ABCA4: variants seen among roughly 807,000 people sequenced by gnomAD.
The protein encoded by ABCA4 is ATP binding cassette subfamily A member 4.
In ABCA4, 196 loss-of-function variants were observed where a neutral mutation model predicts 263.7. The ratio of observed to expected loss-of-function variants is 0.74; its 90% CI spans 0.66 to 0.84. The LOEUF (loss-of-function observed/expected upper bound fraction) is 0.84, where lower values mean the gene tolerates loss of function less well. Among genes scored for constraint, ABCA4 ranks in the 40% least tolerant of loss-of-function variants. ABCA4 has a pLI of 0.00. For missense variants in ABCA4, 2,792 were observed against 2,855.1 expected (o/e 0.98, Z 0.50); for synonymous variants, 1,133 against 1,094.2 (o/e 1.04, Z -0.70).
In ABCA4 at chr1:94,042,834, C is replaced by T; in HGVS notation, c.3255G>A (p.Leu1085=). The T allele has an allele frequency of 6.2e-7, 1 of 1,614,190 alleles. No individual in the cohort carries two copies. ...GGTCCACCCCAGAGGTGGGTTCGTC[C>T]AGAATCACCACCTTGGCATCTCCCA... ...AFVGDAKVVI[L]DEPTSGVDPY... The change falls in exon 22 of 50, where the codon CTG becomes CTA. Residue 1085 remains leucine, a synonymous_variant. Transcript: ENST00000370225.
chr1:94,046,281 A>G (rs1368956671), intron 19 of ABCA4, among the ~76,000 whole-genome samples: 1 of 29,522 alleles, frequency 3.4e-5, no homozygotes, highest in Non-Finnish European at 7.9e-5. Flanking sequence ...TGTCTGTACT[A>G]AAAAAAAAAA....
At chr1:94,045,624 C>A (rs1196054247) in intron 19 of ABCA4, 2 of 404,920 alleles carry the variant, frequency 4.9e-6, no homozygotes, top group Non-Finnish European at 1.0e-5. Flanking sequence ...ACACCCAGCT[C>A]TGTCCCTGAG....
chr1:94,098,375 A>G (rs1662189273), intron 6 of ABCA4, among the ~76,000 whole-genome samples: 1 of 152,162 alleles, frequency 6.6e-6, no homozygotes, highest in Admixed American at 6.5e-5. Context: ...TTCTTGTATA[A>G]TTCCTACCAC....
intron 17 of ABCA4, among the ~76,000 whole-genome samples, chr1:94,049,917 G>A (rs190156429): frequency 3.9e-4 from 60 of 152,312 alleles, no homozygotes; most frequent in African/African-American, 1.4e-3. Flanking sequence ...GGAAGGGGAA[G>A]AGGAGCAGAA....
At chr1:94,089,230 T>C (rs143792759) in intron 6 of ABCA4, among the ~76,000 whole-genome samples, 152 of 152,370 alleles carry the variant, frequency 1.0e-3, no homozygotes, top group African/African-American at 3.4e-3. Context: ...GAACAACTTA[T>C]TTAATGATTT....
chr1:94,095,296 G>A (rs1290656999), intron 6 of ABCA4, among the ~76,000 whole-genome samples: 2 of 151,356 alleles, frequency 1.3e-5, no homozygotes, highest in African/African-American at 4.9e-5. Flanking sequence ...GCCCCCCTCC[G>A]ATTCTCTGGG....
chr1:94,030,340 G>T (rs537789782), intron 29 of ABCA4, 88 bp downstream of exon 29: 2 of 1,141,448 alleles, frequency 1.8e-6, no homozygotes, highest in South Asian at 1.2e-5. Flanking sequence ...ATTGAGTGGG[G>T]CCTCCCCAAC....
At chr1:94,034,938 T>A (rs1660302035) in intron 26 of ABCA4, among the ~76,000 whole-genome samples, 1 of 152,158 alleles carries the variant, frequency 6.6e-6, no homozygotes, top group South Asian at 2.1e-4. Context: ...ATGCTACAGG[T>A]AGATGCTATT....
intron 35 of ABCA4, among the ~76,000 whole-genome samples, chr1:94,020,493 A>G (rs182795918): frequency 9.0e-4 from 137 of 152,338 alleles, no homozygotes; most frequent in African/African-American, 3.1e-3. Flanking sequence ...GTAAGCTTAG[A>G]ACAAATGACT....
At chr1:94,068,714 A>G (rs1661335128) in intron 11 of ABCA4, among the ~76,000 whole-genome samples, 1 of 152,198 alleles carries the variant, frequency 6.6e-6, no homozygotes, top group South Asian at 2.1e-4. Context: ...CATGAATGTT[A>G]GGGAAGAATG....
At position 94,046,925 on chromosome 1, in the gene ABCA4, G is replaced by T. The variant is rs61749450; in HGVS notation, c.2912C>A (p.Thr971Asn). Residue 971 changes from threonine (T) to asparagine (N), a missense_variant, in exon 19 of 50, where the codon ACC (threonine) becomes AAC (asparagine). Thr to Asn is a moderately conservative substitution (Grantham distance 65, BLOSUM62 0). Coordinates refer to ENST00000370225, the MANE Select transcript of ABCA4 (RefSeq NM_000350.3). Reference sequence around the variant, plus strand: ...TCTCTGCTGGAAGACTCACAAGGTGGTGGTTTTCCCAGCTCCATTGTGGCC... The same window carrying T: ...TCTCTGCTGGAAGACTCACAAGGTGTTGGTTTTCCCAGCTCCATTGTGGCC... ...FLGHNGAGKT[T>N]TLSILTGLLP... 3 of 1,614,122 alleles carry T rather than the reference G, an allele frequency of 1.9e-6. No homozygotes were observed. The highest frequency in any genetic ancestry group is 2.2e-5 in the South Asian group (2 of 91,082).
intron 16 of ABCA4, among the ~76,000 whole-genome samples, chr1:94,053,811 G>C (rs1239661624): frequency 1.3e-5 from 2 of 152,240 alleles, no homozygotes; most frequent in African/African-American, 4.8e-5. Flanking sequence ...GTAAATGAAT[G>C]CACGCTTGCC....
intron 6 of ABCA4, among the ~76,000 whole-genome samples, chr1:94,086,404 AT>A (rs1570412652): frequency 6.6e-6 from 1 of 152,238 alleles, no homozygotes; most frequent in Admixed American, 6.5e-5. Context: ...AAATTCCCCT[AT>A]ATTGAAGTCC....
At chr1:94,111,729 G>A in intron 2 of ABCA4, 150 bp from the exon 3 acceptor site, 3 of 977,820 alleles carry the variant, frequency 3.1e-6, no homozygotes, top group South Asian at 1.4e-5. Flanking sequence ...CATCTCATGT[G>A]TGCCAGTCCC....
intron 16 of ABCA4, among the ~76,000 whole-genome samples, chr1:94,052,194 T>G (rs1660857754): frequency 6.6e-6 from 1 of 152,148 alleles, no homozygotes; most frequent in Admixed American, 6.5e-5. Flanking sequence ...CCGTCACAGA[T>G]AGTGAAACAG....
chr1:94,018,125 T>G (rs1395201036), intron 36 of ABCA4, among the ~76,000 whole-genome samples: 1 of 152,214 alleles, frequency 6.6e-6, no homozygotes, highest in Non-Finnish European at 1.5e-5. Flanking sequence ...ACCTCCCACC[T>G]CAGATGTCCA....
At chr1:94,072,906 C>G (rs559117676) in intron 11 of ABCA4, among the ~76,000 whole-genome samples, 1 of 152,110 alleles carries the variant, frequency 6.6e-6, no homozygotes, top group African/African-American at 2.4e-5. Flanking sequence ...ATTGCAGACC[C>G]TATTGTGGAG....
intron 26 of ABCA4, among the ~76,000 whole-genome samples, chr1:94,033,171 GCAC>G (rs1404645105): frequency 6.6e-6 from 1 of 152,158 alleles, no homozygotes; most frequent in Non-Finnish European, 1.5e-5. Flanking sequence ...TGTAATCCCA[GCAC>G]TTTGGGAGGC....
chr1:94,037,732 G>A (rs763587129), intron 24 of ABCA4, among the ~76,000 whole-genome samples: 3 of 152,162 alleles, frequency 2.0e-5, no homozygotes, highest in Non-Finnish European at 2.9e-5. Context: ...GTGAAAAGGG[G>A]AAAATACTGG....
Sources: allele counts gnomAD v4.1 joint callset (sites outside exome capture counted in the v4.1 genomes callset), GRCh38; gene constraint gnomAD v4.1.1; transcripts MANE v1.5; gene names NCBI Gene and HGNC (gene_info 2026-07-23, HGNC 2026-07-21).